DPYD: variants seen among roughly 807,000 people sequenced by gnomAD.
The protein encoded by DPYD is dihydropyrimidine dehydrogenase.
A neutral mutation model predicts 116.2 loss-of-function variants in DPYD; 109 were observed. That is an observed-to-expected ratio of 0.94 (90% CI 0.80 to 1.10). DPYD has a LOEUF of 1.10. Ranked by LOEUF, DPYD falls within the 50% of genes least tolerant of loss-of-function variation. The probability of loss-of-function intolerance (pLI) is 0.00; values close to 1 mark genes in which losing one functional copy is unlikely to be tolerated. For synonymous variants in DPYD, 440 were observed against 432.0 expected (o/e 1.02, Z -0.23); for missense variants, 1,302 against 1,254.5 (o/e 1.04, Z -0.57).
At chr1:97,865,600 T>C (rs1459679283) in intron 2 of DPYD, among the ~76,000 whole-genome samples, 1 of 151,960 alleles carries the variant, frequency 6.6e-6, no homozygotes, top group Non-Finnish European at 1.5e-5. Context: ...AGTAAATTTT[T>C]TTCTAAAAAT....
At chr1:97,139,957 C>T (rs924923665) in intron 20 of DPYD, among the ~76,000 whole-genome samples, 3 of 152,052 alleles carry the variant, frequency 2.0e-5, no homozygotes, top group African/African-American at 7.3e-5. Context: ...CTACCTCAAG[C>T]CAAGTGACAG....
At chr1:97,808,185 C>T (rs1236034356) in intron 3 of DPYD, among the ~76,000 whole-genome samples, 1 of 152,096 alleles carries the variant, frequency 6.6e-6, no homozygotes. Flanking sequence ...TACACTGAAT[C>T]TGTGGAACAA....
intron 18 of DPYD, among the ~76,000 whole-genome samples, chr1:97,290,674 C>T (rs1418458825): frequency 6.6e-6 from 1 of 152,030 alleles, no homozygotes; most frequent in African/African-American, 2.4e-5. Flanking sequence ...ACACCTTATA[C>T]AAAAATTAAT....
At chr1:97,845,579 A>G (rs112905740) in intron 2 of DPYD, among the ~76,000 whole-genome samples, 2 of 152,320 alleles carry the variant, frequency 1.3e-5, no homozygotes, top group African/African-American at 2.4e-5. Flanking sequence ...TCCCTCCAGT[A>G]GCCTGCGTAC....
intron 14 of DPYD, among the ~76,000 whole-genome samples, chr1:97,437,743 T>C (rs1050850960): frequency 3.3e-5 from 5 of 151,998 alleles, no homozygotes; most frequent in African/African-American, 7.2e-5. Flanking sequence ...TTAATTTGTA[T>C]CAAATCACAT....
At chr1:97,657,848 G>T (rs1359796890) in intron 8 of DPYD, among the ~76,000 whole-genome samples, 1 of 152,110 alleles carries the variant, frequency 6.6e-6, no homozygotes, top group Admixed American at 6.5e-5. Context: ...TCTTCTCAGA[G>T]ACCATGCACT....
At chr1:97,893,429 C>CATATAT (rs59336649) in intron 1 of DPYD, among the ~76,000 whole-genome samples, 9,313 of 71,590 alleles carry the variant, frequency 0.13, 881 homozygotes, top group Middle Eastern at 0.14. Flanking sequence ...ATATCCATCG[C>CATATAT]ATATATATAT....
chr1:97,910,273 C>T (rs537335873), intron 1 of DPYD, among the ~76,000 whole-genome samples: 1 of 152,078 alleles, frequency 6.6e-6, no homozygotes, highest in South Asian at 2.1e-4. Flanking sequence ...GTGTTTACAA[C>T]ATCTAGACCA....
At chr1:97,462,511 G>C (rs945471174) in intron 13 of DPYD, among the ~76,000 whole-genome samples, 2 of 152,102 alleles carry the variant, frequency 1.3e-5, no homozygotes, top group Middle Eastern at 3.2e-3. Flanking sequence ...TTCAGACCAT[G>C]ATGGGAAGGT....
chr1:97,467,074 A>G (rs972683640), intron 13 of DPYD, among the ~76,000 whole-genome samples: 1 of 152,208 alleles, frequency 6.6e-6, no homozygotes, highest in African/African-American at 2.4e-5. Context: ...ACAGTAGCTT[A>G]AAACAATAGC....
At position 97,273,206 on chromosome 1, in the gene DPYD, T is replaced by A. The variant is rs139367664; in HGVS notation, c.2299+32053A>T. 2.5e-4 allele frequency among the ~76,000 whole-genome samples: 38 copies of A among 152,258 alleles called. No homozygotes were observed. In the East Asian group the frequency reaches 7.3e-3, roughly 29 times the overall value. On this transcript the variant is annotated intron_variant, in intron 18 of 22. Coordinates refer to ENST00000370192, the MANE Select transcript of DPYD (RefSeq NM_000110.4). Reference sequence around the variant, plus strand: ...TGTTTTAAGTCAAATTTGCTAATAGTATCCAGCAAAAAGATAAATTTTAGA... The same window carrying A: ...TGTTTTAAGTCAAATTTGCTAATAGAATCCAGCAAAAAGATAAATTTTAGA...
chr1:97,552,659 T>C (rs1332795655), intron 11 of DPYD, among the ~76,000 whole-genome samples: 1 of 152,094 alleles, frequency 6.6e-6, no homozygotes, highest in Non-Finnish European at 1.5e-5. Context: ...GTCTTAAACC[T>C]GAATATCAAC....
chr1:97,730,832 A>G (rs186303818), intron 4 of DPYD, among the ~76,000 whole-genome samples: 26 of 152,146 alleles, frequency 1.7e-4, no homozygotes, highest in East Asian at 1.9e-4. Context: ...ACATCGAAAC[A>G]CTAATACAAA....
chr1:97,781,469 C>T (rs1057462186), intron 3 of DPYD, among the ~76,000 whole-genome samples: 1 of 152,178 alleles, frequency 6.6e-6, no homozygotes, highest in African/African-American at 2.4e-5. Context: ...ATGTTCCATG[C>T]ATGTTTAGTT....
intron 16 of DPYD, among the ~76,000 whole-genome samples, chr1:97,352,736 C>T (rs1011400189): frequency 3.9e-5 from 6 of 152,008 alleles, no homozygotes; most frequent in African/African-American, 9.7e-5. Flanking sequence ...GGCACTCCTC[C>T]GGACACGTGT....
At chr1:97,249,223 A>G (rs2100802915) in intron 18 of DPYD, among the ~76,000 whole-genome samples, 1 of 152,352 alleles carries the variant, frequency 6.6e-6, no homozygotes, top group South Asian at 2.1e-4. Flanking sequence ...AGACAATGGC[A>G]TTAGAATATA....
At chr1:97,735,141 G>A (rs570863141) in intron 4 of DPYD, among the ~76,000 whole-genome samples, 1 of 152,236 alleles carries the variant, frequency 6.6e-6, no homozygotes, top group African/African-American at 2.4e-5. Context: ...CTGCCTGAGG[G>A]AAGCAAATAT....
At chr1:97,259,542 G>C (rs79391689) in intron 18 of DPYD, among the ~76,000 whole-genome samples, 1,880 of 151,974 alleles carry the variant, frequency 0.012, 41 homozygotes, top group African/African-American at 0.044. Flanking sequence ...CAGTGGCCAA[G>C]GATCAAAGTA....
intron 20 of DPYD, among the ~76,000 whole-genome samples, chr1:97,130,939 A>C (rs369567847): frequency 0.019 from 2,536 of 134,396 alleles, 94 homozygotes; most frequent in African/African-American, 0.071. Context: ...CTCTCTATCT[A>C]TCTATCTATC....
Sources: allele counts gnomAD v4.1 joint callset (sites outside exome capture counted in the v4.1 genomes callset), GRCh38; gene constraint gnomAD v4.1.1; transcripts MANE v1.5; gene names NCBI Gene and HGNC (gene_info 2026-07-23, HGNC 2026-07-21).